Variants in SMARCAL1 observed in about 807,000 individuals in gnomAD.
SMARCAL1 encodes the protein ATP-driven annealing helicase.
In SMARCAL1, 58 loss-of-function variants were observed where a neutral mutation model predicts 94.5. That is an observed-to-expected ratio of 0.61 (90% CI 0.50 to 0.76). The LOEUF is 0.76. Ranked by LOEUF, SMARCAL1 falls within the 30% of genes least tolerant of loss-of-function variation. The probability of loss-of-function intolerance (pLI) is 0.00; values close to 1 mark genes in which losing one functional copy is unlikely to be tolerated. For synonymous variants in SMARCAL1, 422 were observed against 455.1 expected (o/e 0.93, Z 0.93); for missense variants, 1,051 against 1,177.9 (o/e 0.89, Z 1.58).
chr2:216,464,504 G>A (rs1694786078), intron 12 of SMARCAL1, 93 bp from the exon 13 acceptor site: 25 of 955,762 alleles, frequency 2.6e-5, no homozygotes, highest in South Asian at 1.4e-4. Flanking sequence ...GGGTGGTTGA[G>A]ATTTGTAAAG....
intron 12 of SMARCAL1, among the ~76,000 whole-genome samples, chr2:216,458,021 G>T (rs1163353820): frequency 6.6e-6 from 1 of 152,170 alleles, no homozygotes; most frequent in Non-Finnish European, 1.5e-5. Flanking sequence ...TGATCCCACA[G>T]AAATACAAAC....
chr2:216,471,527 T>C (rs1694966456), intron 14 of SMARCAL1, among the ~76,000 whole-genome samples: 1 of 152,146 alleles, frequency 6.6e-6, no homozygotes, highest in Admixed American at 6.5e-5. Flanking sequence ...CTAATGTTTG[T>C]ATTTTTATTA....
intron 11 of SMARCAL1, 37 bp from the exon 12 acceptor site, chr2:216,450,809 G>A (rs531114913): frequency 8.3e-6 from 13 of 1,561,036 alleles, no homozygotes; most frequent in African/African-American, 5.4e-5. Flanking sequence ...GGCCTGAAAG[G>A]AGCCTCATGG....
chr2:216,414,999 A>G lies in SMARCAL1; in HGVS notation c.295A>G (p.Lys99Glu). Reference protein sequence around the residue: ...SHSFQAKGIWKKPEEMPTACP... With the variant: ...SHSFQAKGIWEKPEEMPTACP... The stretch of plus-strand genomic sequence containing the variant: ...CAGTTTTCAGGCAAAGGGAATATGG[A>G]AAAAGCCAGAAGAAATGCCCACAGC... Residue 99 changes from lysine (K) to glutamate (E), a missense_variant, in exon 3 of 18, where the codon AAA (lysine) becomes GAA (glutamate). By Grantham distance (56) the Lys-to-Glu change is moderately conservative (BLOSUM62 1). Around this residue, in one of 3 missense-constraint regions of SMARCAL1, gnomAD observed 398 missense variants for 395.2 expected, o/e 1.01. Coordinates refer to ENST00000357276, the MANE Select transcript of SMARCAL1 (RefSeq NM_014140.4). The G allele has an allele frequency of 1.2e-6, 2 of 1,614,254 alleles. No homozygotes were observed. The highest frequency in any genetic ancestry group is 1.7e-6 in the Non-Finnish European group (2 of 1,180,046).
At chr2:216,445,129 G>A (rs1258675020) in intron 10 of SMARCAL1, among the ~76,000 whole-genome samples, 1 of 152,172 alleles carries the variant, frequency 6.6e-6, no homozygotes, top group African/African-American at 2.4e-5. Flanking sequence ...GTTGATTTAT[G>A]TAGTTTTATA....
intron 6 of SMARCAL1, among the ~76,000 whole-genome samples, chr2:216,427,698 G>A (rs564887653): frequency 6.6e-5 from 10 of 152,336 alleles, no homozygotes; most frequent in African/African-American, 2.4e-4. Context: ...TAGTGGAGGA[G>A]AGAAATGGAC....
intron 6 of SMARCAL1, 93 bp from the exon 7 acceptor site, chr2:216,428,503 C>A: frequency 1.6e-6 from 2 of 1,287,156 alleles, no homozygotes; most frequent in Non-Finnish European, 2.2e-6. Flanking sequence ...ACCAGCATCA[C>A]TGGAAGGAAA....
intron 12 of SMARCAL1, among the ~76,000 whole-genome samples, chr2:216,455,539 C>T (rs966207853): frequency 6.6e-6 from 1 of 152,220 alleles, no homozygotes; most frequent in Non-Finnish European, 1.5e-5. Context: ...ATCTGCTCTT[C>T]AGCAATATTC....
chr2:216,477,133 G>T lies in SMARCAL1; in HGVS notation c.2452G>T (p.Val818Leu), dbSNP rs759861726. ...PGVLIQAEDRVHRIGQTSSVG... is the reference protein window; with the variant it reads ...PGVLIQAEDRLHRIGQTSSVG... Reference sequence around the variant, plus strand: ...GGTGCTGATCCAGGCTGAGGACCGCGTGCACCGCATTGGACAGACCAGCTC... The same window carrying T: ...GGTGCTGATCCAGGCTGAGGACCGCTTGCACCGCATTGGACAGACCAGCTC... Residue 818 changes from valine (V) to leucine (L), a missense_variant, in exon 16 of 18, where the codon GTG becomes TTG. Around this residue, in one of 3 missense-constraint regions of SMARCAL1, gnomAD observed 642 missense variants for 754.7 expected, o/e 0.85. Coordinates refer to ENST00000357276, the MANE Select transcript of SMARCAL1 (RefSeq NM_014140.4). The T allele has an allele frequency of 6.3e-7, 1 of 1,588,396 alleles. No homozygotes were observed. Among genetic ancestry groups the T allele is most frequent in the Non-Finnish European group, 8.6e-7 (1 of 1,167,378 alleles).
rs951409594 is a variant in SMARCAL1 at position 216,464,473 on chromosome 2, G to A, written c.2071-124G>A. On this transcript the variant is annotated intron_variant, in intron 12 of 17. Transcript: ENST00000357276. ...GAAAGGGGAATCATTGTCAGCACCA[G>A]GGTCTCCTGACTCTGGTGACGGGTG... is the stretch of plus-strand genomic sequence containing the variant. 6 of 800,972 alleles carry A rather than the reference G, an allele frequency of 7.5e-6. No individual in the cohort carries two copies. In the African/African-American group the frequency reaches 1.0e-4, roughly 13 times the overall value. The allele number at this position is 800,972 out of a possible 1,614,324, so 49.6% of individuals were successfully genotyped here. A position where few individuals can be genotyped will look rare whatever the true frequency, so the allele number is the denominator to read the frequency against.
rs2106014444 is a variant in SMARCAL1 at position 216,414,860 on chromosome 2, C to A, written c.156C>A (p.Gly52=). Residue 52 remains glycine, a synonymous_variant, in exon 3 of 18, where the codon GGC becomes GGA. Transcript: ENST00000357276. ...IAGNPFQAKQ[G]PSQNFPRESC... is the part of the protein sequence containing the mutation. ...GCAACCCATTCCAGGCCAAGCAAGG[C>A]CCATCCCAAAATTTCCCAAGGGAGT... is the stretch of plus-strand genomic sequence containing the variant. 1 of 1,614,204 alleles carries A rather than the reference C, an allele frequency of 6.2e-7. No individual in the cohort carries two copies. Among genetic ancestry groups the A allele is most frequent in the Non-Finnish European group, 8.5e-7 (1 of 1,180,048 alleles).
chr2:216,445,117 G>T (rs1694281094), intron 10 of SMARCAL1, among the ~76,000 whole-genome samples: 1 of 152,218 alleles, frequency 6.6e-6, no homozygotes, highest in Admixed American at 6.5e-5. Context: ...GTTCAATTTG[G>T]TGTTGATTTA....
chr2:216,417,716 G>A (rs1420780356), intron 4 of SMARCAL1, among the ~76,000 whole-genome samples: 1 of 152,134 alleles, frequency 6.6e-6, no homozygotes, highest in Non-Finnish European at 1.5e-5. Flanking sequence ...TTTTTTAATC[G>A]ATTTATTTGG....
chr2:216,417,906 A>C (rs750019795), intron 4 of SMARCAL1, among the ~76,000 whole-genome samples: 4 of 152,018 alleles, frequency 2.6e-5, no homozygotes, highest in Non-Finnish European at 4.4e-5. Flanking sequence ...AGATTCATTT[A>C]GGTTTTTTGT....
At chr2:216,430,696 T>C (rs1218776584) in intron 7 of SMARCAL1, among the ~76,000 whole-genome samples, 5 of 152,172 alleles carry the variant, frequency 3.3e-5, no homozygotes, top group Admixed American at 2.0e-4. Flanking sequence ...TCCATTCTGC[T>C]CTAAGGATGC....
intron 12 of SMARCAL1, among the ~76,000 whole-genome samples, chr2:216,457,291 G>A (rs1192828717): frequency 1.3e-5 from 2 of 152,132 alleles, no homozygotes; most frequent in Non-Finnish European, 2.9e-5. Flanking sequence ...GAGACAGAAA[G>A]TTAACAAGGA....
chr2:216,413,233 C>G (rs1225261168), intron 1 of SMARCAL1, among the ~76,000 whole-genome samples: 1 of 152,128 alleles, frequency 6.6e-6, no homozygotes, highest in Non-Finnish European at 1.5e-5. Flanking sequence ...GCCCAGAGGC[C>G]TAAGCAATGC....
chr2:216,444,230 A>G lies in SMARCAL1; in HGVS notation c.1711-2788A>G, dbSNP rs1000572371. On this transcript the variant is annotated intron_variant, in intron 10 of 17. Coordinates refer to ENST00000357276, the MANE Select transcript of SMARCAL1 (RefSeq NM_014140.4). Reference sequence around the variant, plus strand: ...CATGTCTTATTTCTAAATTGAATATATGGTATTGTATAAATTTATTTAGAG... The same window carrying G: ...CATGTCTTATTTCTAAATTGAATATGTGGTATTGTATAAATTTATTTAGAG... Among the ~76,000 whole-genome samples the G allele has an allele frequency of 2.6e-5, 4 of 152,186 alleles. No individual in the cohort carries two copies. In the South Asian group the frequency reaches 8.3e-4, roughly 32 times the overall value.
intron 10 of SMARCAL1, among the ~76,000 whole-genome samples, chr2:216,444,260 A>G (rs1387576507): frequency 1.3e-5 from 2 of 152,196 alleles, no homozygotes; most frequent in Admixed American, 6.5e-5. Flanking sequence ...TTAGAGTACC[A>G]TTAGGAATAA....
Sources: gnomAD v4.1 joint callset for allele counts (sites outside exome capture counted in the v4.1 genomes callset) on GRCh38, gnomAD v4.1.1 for gene constraint, gnomAD v4.1.1 regional missense constraint, MANE v1.5 for transcripts, NCBI Gene and HGNC (gene_info 2026-07-23, HGNC 2026-07-21) for gene names.